SLC24A2: variants seen among roughly 807,000 people sequenced by gnomAD.
The protein encoded by SLC24A2 is sodium/potassium/calcium exchanger 2.
Under a neutral mutation model 62.0 loss-of-function variants are expected in SLC24A2, and 36 were observed. That is an observed-to-expected ratio of 0.58 (90% CI 0.44 to 0.77). The LOEUF (loss-of-function observed/expected upper bound fraction) is 0.77. Among genes scored for constraint, SLC24A2 ranks in the 30% least tolerant of loss-of-function variants. SLC24A2 has a pLI of 0.00. For synonymous variants in SLC24A2, 358 were observed against 294.0 expected, an observed-to-expected ratio of 1.22 and a Z score of -2.23; for missense variants, 846 against 817.9, an observed-to-expected ratio of 1.03 and a Z score of -0.42.
chr9:20,234,588 A>G, the SLC24A2 span, among the ~76,000 whole-genome samples: 4 of 152,196 alleles, frequency 2.6e-5, no homozygotes, highest in South Asian at 2.1e-4. Context: ...CAGGTCCTCT[A>G]AGGACTTCTC....
chr9:20,225,574 A>ATTATATATAT, the SLC24A2 span, among the ~76,000 whole-genome samples: 6 of 90,858 alleles, frequency 6.6e-5, no homozygotes, highest in African/African-American at 2.9e-4. Context: ...ATATATATAT[A>ATTATATATAT]ATTTCATTTA....
At chr9:19,873,599 CT>C in the SLC24A2 span, among the ~76,000 whole-genome samples, 1 of 142,246 alleles carries the variant, frequency 7.0e-6, no homozygotes, top group African/African-American at 2.6e-5. Flanking sequence ...TTTCCTTTTC[CT>C]TTCTCTTTCC....
the SLC24A2 span, among the ~76,000 whole-genome samples, chr9:19,993,973 T>C: frequency 6.6e-6 from 1 of 152,128 alleles, no homozygotes. Context: ...ATCTTACTCG[T>C]TTGTAATTAA....
chr9:19,691,938 T>C (rs1241869539), intron 2 of SLC24A2, among the ~76,000 whole-genome samples: 1 of 152,140 alleles, frequency 6.6e-6, no homozygotes, highest in Non-Finnish European at 1.5e-5. Context: ...CCAATGCCTT[T>C]ATACTACAAG....
intron 2 of SLC24A2, among the ~76,000 whole-genome samples, chr9:19,756,870 TA>T (rs2118834798): frequency 6.6e-6 from 1 of 150,588 alleles, no homozygotes; most frequent in African/African-American, 2.4e-5. Context: ...TGTATAAAAC[TA>T]GAGCTTGATA....
chr9:19,656,999 T>C (rs1403184286), intron 2 of SLC24A2, among the ~76,000 whole-genome samples: 2 of 152,242 alleles, frequency 1.3e-5, no homozygotes, highest in Admixed American at 1.3e-4. Flanking sequence ...CGACAGTTTG[T>C]TGGCTGGTGG....
chr9:20,193,779 T>C, the SLC24A2 span, among the ~76,000 whole-genome samples: 1 of 152,152 alleles, frequency 6.6e-6, no homozygotes, highest in African/African-American at 2.4e-5. Context: ...TACTGAAAGT[T>C]ATTTGTAAAT....
At chr9:20,104,476 GCCC>G in the SLC24A2 span, among the ~76,000 whole-genome samples, 1 of 152,220 alleles carries the variant, frequency 6.6e-6, no homozygotes, top group Non-Finnish European at 1.5e-5. Flanking sequence ...ACAAAGGGAA[GCCC>G]ATCAGACTAA....
chr9:20,004,281 C>T, the SLC24A2 span, among the ~76,000 whole-genome samples: 1 of 152,256 alleles, frequency 6.6e-6, no homozygotes, highest in Non-Finnish European at 1.5e-5. Flanking sequence ...GGCCTAACAC[C>T]AGACATGGGC....
At chr9:20,091,592 T>A in the SLC24A2 span, among the ~76,000 whole-genome samples, 1 of 152,150 alleles carries the variant, frequency 6.6e-6, no homozygotes, top group African/African-American at 2.4e-5. Context: ...AAGAATTTTA[T>A]ATCTACTAAA....
At chr9:19,674,644 G>A (rs556450046) in intron 2 of SLC24A2, among the ~76,000 whole-genome samples, 10 of 152,188 alleles carry the variant, frequency 6.6e-5, no homozygotes, top group East Asian at 1.9e-4. Context: ...TAGTTTGTTC[G>A]ACTCTACTGC....
At chr9:19,585,366 C>G (rs552083322) in intron 5 of SLC24A2, among the ~76,000 whole-genome samples, 1 of 152,328 alleles carries the variant, frequency 6.6e-6, no homozygotes, top group South Asian at 2.1e-4. Flanking sequence ...TGTGTTCAGT[C>G]AACAAGCTTC....
the SLC24A2 span, among the ~76,000 whole-genome samples, chr9:19,852,729 A>G: frequency 6.6e-6 from 1 of 152,088 alleles, no homozygotes; most frequent in Non-Finnish European, 1.5e-5. Context: ...GTAGCCTGGT[A>G]GTACAATGAG....
intron 2 of SLC24A2, among the ~76,000 whole-genome samples, chr9:19,771,909 CAT>C (rs1822702533): frequency 1.3e-5 from 2 of 152,048 alleles, no homozygotes; most frequent in South Asian, 4.1e-4. Flanking sequence ...GGAGGAGTTA[CAT>C]ATATTGGGGG....
At chr9:19,777,755 T>C (rs1269884761) in intron 2 of SLC24A2, among the ~76,000 whole-genome samples, 1 of 152,150 alleles carries the variant, frequency 6.6e-6, no homozygotes, top group African/African-American at 2.4e-5. Context: ...ATATGAGAAG[T>C]TCAGAAGAAT....
At chr9:19,764,323 C>T (rs1232926881) in intron 2 of SLC24A2, among the ~76,000 whole-genome samples, 1 of 151,808 alleles carries the variant, frequency 6.6e-6, no homozygotes, top group Non-Finnish European at 1.5e-5. Context: ...TTCAGTTCTG[C>T]TCTGATCTTA....
chr9:19,875,686 G>A, the SLC24A2 span, among the ~76,000 whole-genome samples: 2 of 152,220 alleles, frequency 1.3e-5, no homozygotes, highest in Non-Finnish European at 2.9e-5. Flanking sequence ...CCCAGCAGCT[G>A]AAAATCAGTT....
chr9:19,791,181 T>G (rs79329378), upstream of SLC24A2, among the ~76,000 whole-genome samples: 2,085 of 152,350 alleles, frequency 0.014, 26 homozygotes, highest in Non-Finnish European at 0.019. Flanking sequence ...TCTTTCTTAA[T>G]GTATGGCTTT....
At chr9:20,081,668 G>C in the SLC24A2 span, among the ~76,000 whole-genome samples, 1 of 152,066 alleles carries the variant, frequency 6.6e-6, no homozygotes, top group African/African-American at 2.4e-5. Flanking sequence ...GTAGGTCAAA[G>C]GGCATGTGTT....
Sources: gnomAD v4.1 joint callset for allele counts (sites outside exome capture counted in the v4.1 genomes callset) on GRCh38, gnomAD v4.1.1 for gene constraint, MANE v1.5 for transcripts, NCBI Gene and HGNC (gene_info 2026-07-23, HGNC 2026-07-21) for gene names.